OPCML: variants seen among roughly 807,000 people sequenced by gnomAD.
The protein encoded by OPCML is opioid binding protein/cell adhesion molecule like.
OPCML carries 13 observed loss-of-function variants against 37.8 expected under a neutral mutation model. That is an observed-to-expected ratio of 0.34 (90% CI 0.22 to 0.55). The LOEUF is 0.55. Ranked by LOEUF, OPCML falls within the 20% of genes least tolerant of loss-of-function variation. OPCML has a pLI of 0.91. For synonymous variants in OPCML, 176 were observed against 168.8 expected, an observed-to-expected ratio of 1.04 and a Z score of -0.33; for missense variants, 341 against 435.6, an observed-to-expected ratio of 0.78 and a Z score of 1.93.
intron 2 of OPCML, among the ~76,000 whole-genome samples, chr11:132,879,671 G>C (rs1379673680): frequency 1.3e-5 from 2 of 152,144 alleles, no homozygotes; most frequent in Non-Finnish European, 2.9e-5. Flanking sequence ...CTTGTGAGGA[G>C]AACTATAAAG....
chr11:132,641,111 A>G (rs549569169), intron 3 of OPCML, among the ~76,000 whole-genome samples: 46 of 152,250 alleles, frequency 3.0e-4, no homozygotes, highest in African/African-American at 1.1e-3. Context: ...CCTGGACAGG[A>G]TCTGGTGGAG....
At chr11:133,354,103 T>G (rs991108246) in intron 1 of OPCML, among the ~76,000 whole-genome samples, 1 of 119,856 alleles carries the variant, frequency 8.3e-6, no homozygotes, top group Non-Finnish European at 1.8e-5. Flanking sequence ...GCTTTTCTAG[T>G]GTTCCAGATT....
chr11:132,958,010 T>C (rs1946007442), intron 1 of OPCML, among the ~76,000 whole-genome samples: 1 of 152,164 alleles, frequency 6.6e-6, no homozygotes, highest in African/African-American at 2.4e-5. Context: ...AATAAAACTC[T>C]GGAAATGATT....
intron 2 of OPCML, among the ~76,000 whole-genome samples, chr11:132,926,313 A>G (rs900281692): frequency 2.0e-5 from 3 of 152,196 alleles, no homozygotes; most frequent in African/African-American, 7.2e-5. Context: ...TCCAGAAACC[A>G]AAAGCAGCTT....
intron 2 of OPCML, among the ~76,000 whole-genome samples, chr11:132,842,869 C>A (rs61906889): frequency 0.13 from 19,409 of 152,106 alleles, 1,333 homozygotes; most frequent in Middle Eastern, 0.2. Context: ...GGTGATGCTA[C>A]GACACTGAAG....
chr11:133,369,565 T>A (rs1944627280), intron 1 of OPCML, among the ~76,000 whole-genome samples: 1 of 152,208 alleles, frequency 6.6e-6, no homozygotes, highest in African/African-American at 2.4e-5. Flanking sequence ...TTGTATTTCA[T>A]CATGACATAA....
At chr11:133,379,365 T>G (rs4304785) in intron 1 of OPCML, among the ~76,000 whole-genome samples, 5 of 152,164 alleles carry the variant, frequency 3.3e-5, no homozygotes, top group Middle Eastern at 6.8e-3. Flanking sequence ...TCCTCTCAGC[T>G]GAGCTCTTTA....
chr11:133,070,113 CG>C (rs1303687759), intron 1 of OPCML, among the ~76,000 whole-genome samples: 2 of 152,064 alleles, frequency 1.3e-5, no homozygotes, highest in Non-Finnish European at 2.9e-5. Flanking sequence ...CAAGAGAGTC[CG>C]TTCCACCATA....
intron 2 of OPCML, among the ~76,000 whole-genome samples, chr11:132,873,779 A>C (rs948515399): frequency 4.0e-5 from 6 of 151,828 alleles, no homozygotes; most frequent in Non-Finnish European, 8.8e-5. Flanking sequence ...ATAACAAAAA[A>C]GTAAAGAGAA....
intron 1 of OPCML, among the ~76,000 whole-genome samples, chr11:133,305,279 C>A (rs946953890): frequency 3.9e-5 from 6 of 152,096 alleles, no homozygotes; most frequent in African/African-American, 9.7e-5. Context: ...ATGGGCTTCC[C>A]CCCTGTACCC....
chr11:132,748,167 G>A (rs1466856347), intron 2 of OPCML, among the ~76,000 whole-genome samples: 1 of 151,810 alleles, frequency 6.6e-6, no homozygotes, highest in Non-Finnish European at 1.5e-5. Flanking sequence ...TTGGTTTTAG[G>A]ATGGGTTTGA....
intron 2 of OPCML, among the ~76,000 whole-genome samples, chr11:132,753,753 G>A (rs188918850): frequency 1.2e-4 from 18 of 152,206 alleles, no homozygotes; most frequent in Admixed American, 1.1e-3. Context: ...ACTGGAAAGA[G>A]GACTCAAATA....
intron 1 of OPCML, among the ~76,000 whole-genome samples, chr11:133,517,240 T>TTA (rs1421209633): frequency 6.6e-6 from 1 of 152,228 alleles, no homozygotes; most frequent in Non-Finnish European, 1.5e-5. Flanking sequence ...CTTTTTATCA[T>TTA]TATATATAAG....
chr11:132,605,856 A>C (rs1335337099), intron 3 of OPCML, among the ~76,000 whole-genome samples: 1 of 152,214 alleles, frequency 6.6e-6, no homozygotes, highest in East Asian at 1.9e-4. Flanking sequence ...TTGACTGAAT[A>C]AATGAATGAA....
chr11:132,650,107 GAGA>G (rs1294974836), intron 3 of OPCML, among the ~76,000 whole-genome samples: 11 of 152,298 alleles, frequency 7.2e-5, no homozygotes, highest in Admixed American at 2.0e-4. Context: ...ACAAATGTTA[GAGA>G]AGAACTTGGA....
At chr11:132,497,157 A>G (rs2137101138) in intron 4 of OPCML, among the ~76,000 whole-genome samples, 1 of 152,284 alleles carries the variant, frequency 6.6e-6, no homozygotes, top group South Asian at 2.1e-4. Flanking sequence ...ACCAAACACC[A>G]CATGTTCTCA....
intron 2 of OPCML, among the ~76,000 whole-genome samples, chr11:132,788,518 C>A (rs141429143): frequency 6.6e-6 from 1 of 152,158 alleles, no homozygotes; most frequent in Non-Finnish European, 1.5e-5. Context: ...CCTCGAGATA[C>A]CTGTCCTTAC....
intron 3 of OPCML, among the ~76,000 whole-genome samples, chr11:132,553,791 G>T (rs2096387999): frequency 6.6e-6 from 1 of 152,104 alleles, no homozygotes. Context: ...GTTTTCCCCG[G>T]ATTCCCCCAT....
intron 6 of OPCML, 37 bp from the exon 7 acceptor site, chr11:132,436,274 C>A: frequency 6.2e-7 from 1 of 1,613,858 alleles, no homozygotes; most frequent in Middle Eastern, 1.7e-4. Flanking sequence ...ATTCATTCTA[C>A]AAAGAGGCCC....
Sources: allele counts gnomAD v4.1 joint callset (sites outside exome capture counted in the v4.1 genomes callset), GRCh38; gene constraint gnomAD v4.1.1; transcripts MANE v1.5; gene names NCBI Gene and HGNC (gene_info 2026-07-23, HGNC 2026-07-21).